SNX25: variants seen among roughly 807,000 people sequenced by gnomAD.
SNX25 encodes sorting nexin 25.
SNX25 carries 62 observed loss-of-function variants against 113.7 expected under a neutral mutation model. The observed-to-expected ratio is 0.55, with a 90% CI of 0.44 to 0.67. The LOEUF (loss-of-function observed/expected upper bound fraction) is 0.67. Among genes scored for constraint, SNX25 ranks in the 30% least tolerant of loss-of-function variants. The probability of loss-of-function intolerance (pLI) is 0.00; values close to 1 mark genes in which losing one functional copy is unlikely to be tolerated. For synonymous variants in SNX25, 421 were observed against 436.2 expected (o/e 0.97, Z 0.43); for missense variants, 1,014 against 1,161.0 (o/e 0.87, Z 1.84).
chr4:185,370,807 C>T (rs370543862), downstream of SNX25: 9 of 1,613,932 alleles, frequency 5.6e-6, no homozygotes, highest in Non-Finnish European at 7.6e-6. Flanking sequence ...TCATCATAGT[C>T]AGCGATCCTG....
intron 9 of SNX25, among the ~76,000 whole-genome samples, chr4:185,331,885 G>A (rs929148270): frequency 9.9e-5 from 15 of 152,118 alleles, no homozygotes; most frequent in Admixed American, 3.9e-4. Context: ...TTACAATTAC[G>A]AAAAGCTGGA....
At chr4:185,236,315 A>T (rs1742630178) in intron 1 of SNX25, among the ~76,000 whole-genome samples, 3 of 151,990 alleles carry the variant, frequency 2.0e-5, no homozygotes, top group Non-Finnish European at 4.4e-5. Flanking sequence ...GTGAGCCATG[A>T]CTGTGCCACT....
downstream of SNX25, among the ~76,000 whole-genome samples, chr4:185,371,340 C>T (rs377404249): frequency 9.9e-5 from 15 of 151,916 alleles, no homozygotes; most frequent in African/African-American, 3.6e-4. Context: ...GAGATTGAGA[C>T]CATCCTGGCT....
downstream of SNX25, among the ~76,000 whole-genome samples, chr4:185,373,411 G>C (rs1055485970): frequency 3.9e-5 from 6 of 152,190 alleles, no homozygotes; most frequent in African/African-American, 1.4e-4. Context: ...TCTGAAAGGC[G>C]TGAGGCACAG....
chr4:185,298,182 G>A (rs796749676), intron 6 of SNX25, among the ~76,000 whole-genome samples: 9 of 150,006 alleles, frequency 6.0e-5, no homozygotes, highest in South Asian at 2.1e-4. Flanking sequence ...TCTGACTCCC[G>A]GGTTCAAGCA....
At position 185,342,085 on chromosome 4, in the gene SNX25, A is replaced by C. The variant is rs1393463628; in HGVS notation, c.2156A>C (p.Glu719Ala). ...KNWTVPRRLS[E>A]FQNLHRKLSE... is the part of the protein sequence containing the mutation. ...TGGACGGTCCCCAGAAGGCTCAGCG[A>C]GTTTCAGAATTTACACCGGAAACTC... Residue 719 changes from glutamate to alanine, a missense_variant, in exon 12 of 19, where the codon GAG (glutamate) becomes GCG (alanine). Physicochemically the swap from Glu to Ala is moderately radical, Grantham distance 107. Coordinates refer to ENST00000652585, the MANE Select transcript of SNX25 (RefSeq NM_001378034.2). 1.9e-6 allele frequency: 3 copies of C among 1,605,528 alleles called. No homozygotes were observed. In the African/African-American group the frequency reaches 4.0e-5, roughly 22 times the overall value.
intron 13 of SNX25, among the ~76,000 whole-genome samples, chr4:185,347,810 C>T (rs1331483633): frequency 6.6e-6 from 1 of 152,170 alleles, no homozygotes; most frequent in Non-Finnish European, 1.5e-5. Context: ...GCTGCTCATC[C>T]TTTCCATAAT....
At chr4:185,316,923 T>C (rs2095078968) in intron 7 of SNX25, among the ~76,000 whole-genome samples, 1 of 152,236 alleles carries the variant, frequency 6.6e-6, no homozygotes, top group South Asian at 2.1e-4. Flanking sequence ...GCTAGTAAAC[T>C]AACTAAATAT....
At chr4:185,264,995 CTTT>C (rs976816621) in intron 4 of SNX25, among the ~76,000 whole-genome samples, 1 of 123,742 alleles carries the variant, frequency 8.1e-6, no homozygotes, top group African/African-American at 2.7e-5. Context: ...TGTTCAAATT[CTTT>C]TTTTTTTCTT....
chr4:185,357,147 T>G (rs1471536266), intron 15 of SNX25, among the ~76,000 whole-genome samples: 10 of 152,212 alleles, frequency 6.6e-5, no homozygotes, highest in Admixed American at 6.5e-4. Context: ...GGGTCCTGCC[T>G]CTTCACCATT....
At chr4:185,318,712 A>G (rs1554005766) in intron 7 of SNX25, among the ~76,000 whole-genome samples, 2 of 152,154 alleles carry the variant, frequency 1.3e-5, no homozygotes, top group African/African-American at 2.4e-5. Flanking sequence ...GGCACTTACT[A>G]TTTTTAGCAT....
chr4:185,308,833 A>G (rs1754851498), intron 6 of SNX25, among the ~76,000 whole-genome samples: 1 of 152,124 alleles, frequency 6.6e-6, no homozygotes, highest in Non-Finnish European at 1.5e-5. Flanking sequence ...CCATGATGTC[A>G]TTTACTATCC....
At chr4:185,376,825 G>GT in the SNX25 span, 2 of 915,436 alleles carry the variant, frequency 2.2e-6, no homozygotes, top group Admixed American at 4.0e-5. Context: ...GTATAACACA[G>GT]TAAGAAACTC....
intron 1 of SNX25, among the ~76,000 whole-genome samples, chr4:185,240,774 G>A (rs1039315404): frequency 6.6e-6 from 1 of 150,876 alleles, no homozygotes; most frequent in Admixed American, 6.6e-5. Flanking sequence ...AGTGGCTGCC[G>A]AGCGGAGGGG....
chr4:185,352,277 C>G, intron 14 of SNX25, among the ~76,000 whole-genome samples: 1 of 152,204 alleles, frequency 6.6e-6, no homozygotes. Flanking sequence ...TGCACAGGAC[C>G]AGCTCTGAAA....
At position 185,323,742 on chromosome 4, in the gene SNX25, T is replaced by C. The variant is rs1403414962; in HGVS notation, c.1691T>C (p.Leu564Ser). Residue 564 changes from leucine (L) to serine (S), a missense_variant, in exon 9 of 19, where the codon TTG (leucine) becomes TCG (serine). Physicochemically the swap from Leu to Ser is moderately radical, Grantham distance 145. Transcript: ENST00000652585. ...SFIVSDLYEK[L>S]LIKEEEKHAS... ...ATTGTCAGTGACCTGTATGAGAAAT[T>C]GTTGATAAAAGAGGAAGAAAAACAT... is the stretch of plus-strand genomic sequence containing the variant. The C allele has an allele frequency of 6.2e-7, 1 of 1,613,686 alleles. No individual in the cohort carries two copies. The highest frequency in any genetic ancestry group is 8.5e-7 in the Non-Finnish European group (1 of 1,179,840).
At chr4:185,242,884 A>G (rs1192871374) in intron 1 of SNX25, among the ~76,000 whole-genome samples, 1 of 152,160 alleles carries the variant, frequency 6.6e-6, no homozygotes, top group Non-Finnish European at 1.5e-5. Context: ...CTGGATGAAA[A>G]CCAATATATA....
intron 1 of SNX25, among the ~76,000 whole-genome samples, chr4:185,217,519 A>G (rs1739065065): frequency 6.6e-6 from 1 of 152,192 alleles, no homozygotes; most frequent in Non-Finnish European, 1.5e-5. Flanking sequence ...TCCAAGTTGA[A>G]TGTTCTACTT....
upstream of SNX25, among the ~76,000 whole-genome samples, chr4:185,208,131 C>T (rs1042618260): frequency 3.9e-5 from 6 of 151,962 alleles, no homozygotes; most frequent in East Asian, 3.9e-4. Flanking sequence ...ATTTTTGAGA[C>T]GAAGTCTCAC....
Sources: gnomAD v4.1 joint callset for allele counts (sites outside exome capture counted in the v4.1 genomes callset) on GRCh38, gnomAD v4.1.1 for gene constraint, MANE v1.5 for transcripts, NCBI Gene and HGNC (gene_info 2026-07-23, HGNC 2026-07-21) for gene names.